Variants in DOCK2 observed in about 807,000 individuals in gnomAD.
DOCK2 encodes dedicator of cytokinesis 2.
A neutral mutation model predicts 248.9 loss-of-function variants in DOCK2; 87 were observed. That is an observed-to-expected ratio of 0.35 (90% CI 0.29 to 0.42). The LOEUF (loss-of-function observed/expected upper bound fraction) is 0.42, where lower values mean the gene tolerates loss of function less well. Ranked by LOEUF, DOCK2 falls within the 10% of genes least tolerant of loss-of-function variation. The pLI is 1.00. For missense variants in DOCK2, 1,747 were observed against 2,300.2 expected, an observed-to-expected ratio of 0.76 and a Z score of 4.92; for synonymous variants, 805 against 821.6, an observed-to-expected ratio of 0.98 and a Z score of 0.35.
chr5:169,659,860 TC>T (rs1357094306), intron 2 of DOCK2, among the ~76,000 whole-genome samples: 1 of 152,114 alleles, frequency 6.6e-6, no homozygotes, highest in East Asian at 1.9e-4. Flanking sequence ...TTATTTTATT[TC>T]CCCCCAGTCA....
At chr5:170,024,228 G>C (rs1266027528) in intron 33 of DOCK2, among the ~76,000 whole-genome samples, 2 of 152,188 alleles carry the variant, frequency 1.3e-5, no homozygotes. Context: ...ATGTGATGCA[G>C]TCATGTAGCT....
rs572640261 is a variant in DOCK2, at chr5:169,860,537, G to A, written c.2799+19685G>A. Reference sequence around the variant, plus strand: ...AAGTTTATGCAGCAAAAATAAGATAGCAGACTGCTGTCAAACCCAAGACTT... The same window carrying A: ...AAGTTTATGCAGCAAAAATAAGATAACAGACTGCTGTCAAACCCAAGACTT... On this transcript the variant is annotated intron_variant, in intron 27 of 51. Transcript: ENST00000520908. Among the ~76,000 whole-genome samples the A allele has an allele frequency of 9.9e-5, 15 of 152,270 alleles. No individual in the cohort carries two copies. In the South Asian group the frequency reaches 2.3e-3, roughly 23 times the overall value.
chr5:169,689,164 G>A, intron 8 of DOCK2, 88 bp from the exon 9 acceptor site: 1 of 1,291,224 alleles, frequency 7.7e-7, no homozygotes, highest in Non-Finnish European at 1.1e-6. Context: ...GTATGGTGTT[G>A]GGCACATAGT....
chr5:170,035,580 G>C (rs901296185), intron 35 of DOCK2, among the ~76,000 whole-genome samples: 4 of 152,170 alleles, frequency 2.6e-5, no homozygotes, highest in African/African-American at 7.2e-5. Flanking sequence ...AGACAGAGTT[G>C]GTTGAGGAAA....
chr5:169,771,756 A>C (rs1452517183), intron 25 of DOCK2, among the ~76,000 whole-genome samples: 1 of 151,884 alleles, frequency 6.6e-6, no homozygotes, highest in East Asian at 1.9e-4. Flanking sequence ...ATTTTAACAC[A>C]ATCAAATCAA....
chr5:169,845,835 G>A lies in DOCK2; in HGVS notation c.2799+4983G>A, dbSNP rs375241551. Among the ~76,000 whole-genome samples the A allele has an allele frequency of 2.0e-5, 3 of 152,212 alleles. No individual in the cohort carries two copies. In the East Asian group the frequency reaches 5.8e-4, roughly 29 times the overall value. Reference sequence around the variant, plus strand: ...CGGCAAGCATACTTCACTAGGAGCAGAAATGTACCTGAAATAGAAGGAAGC... The same window carrying A: ...CGGCAAGCATACTTCACTAGGAGCAAAAATGTACCTGAAATAGAAGGAAGC... On this transcript the variant is annotated intron_variant, in intron 27 of 51. Transcript: ENST00000520908.
intron 5 of DOCK2, among the ~76,000 whole-genome samples, chr5:169,673,601 G>A (rs1561587445): frequency 6.6e-6 from 1 of 152,154 alleles, no homozygotes; most frequent in Non-Finnish European, 1.5e-5. Context: ...GCTCACTGCA[G>A]TGCTAAACTC....
chr5:169,977,796 A>G (rs1383951694), intron 27 of DOCK2, among the ~76,000 whole-genome samples: 1 of 152,198 alleles, frequency 6.6e-6, no homozygotes, highest in Non-Finnish European at 1.5e-5. Flanking sequence ...TACAATTCTG[A>G]ACTGCCTGAT....
intron 27 of DOCK2, among the ~76,000 whole-genome samples, chr5:169,886,198 C>G (rs941357462): frequency 2.0e-5 from 3 of 152,138 alleles, no homozygotes; most frequent in East Asian, 1.9e-4. Flanking sequence ...AATGAGCCAT[C>G]CTGGGACAGA....
chr5:169,773,598 G>A (rs1247544237), intron 25 of DOCK2, among the ~76,000 whole-genome samples: 1 of 152,042 alleles, frequency 6.6e-6, no homozygotes, highest in Non-Finnish European at 1.5e-5. Context: ...CATAATGAGG[G>A]CATTTATATA....
At chr5:169,914,598 T>C (rs902739924) in intron 27 of DOCK2, among the ~76,000 whole-genome samples, 1 of 152,210 alleles carries the variant, frequency 6.6e-6, no homozygotes, top group African/African-American at 2.4e-5. Flanking sequence ...TCTTAAAAAT[T>C]GAATTCATTG....
intron 25 of DOCK2, among the ~76,000 whole-genome samples, chr5:169,792,423 C>T (rs958682338): frequency 1.4e-5 from 2 of 146,948 alleles, no homozygotes; most frequent in African/African-American, 2.6e-5. Flanking sequence ...TATATGTATA[C>T]ATGTATATGT....
At chr5:170,050,427 G>T (rs747204001) in intron 41 of DOCK2, 30 bp downstream of exon 41, 1 of 1,607,024 alleles carries the variant, frequency 6.2e-7, no homozygotes, top group Non-Finnish European at 8.5e-7. Flanking sequence ...TAGCCAAGGG[G>T]CCAGACCTGA....
In DOCK2 at chr5:169,670,587, G is replaced by A; in HGVS notation, c.214G>A (p.Glu72Lys). ...SFIHIKEVTV[E>K]KRRNTENIIP... ...TATCCACATCAAGGAAGTGACAGTT[G>A]AGAAAAGAAGGTATTTGCCATTCTT... is the stretch of plus-strand genomic sequence containing the variant. The change falls in exon 4 of 52, where the codon GAG becomes AAG. Residue 72 changes from glutamate (E) to lysine (K), a missense_variant. By Grantham distance (56) the Glu-to-Lys change is moderately conservative. Coordinates refer to ENST00000520908, the MANE Select transcript of DOCK2 (RefSeq NM_004946.3). The A allele has an allele frequency of 6.2e-7, 1 of 1,614,046 alleles. No individual in the cohort carries two copies.
At chr5:169,869,532 G>A (rs1364731642) in intron 27 of DOCK2, among the ~76,000 whole-genome samples, 1 of 152,144 alleles carries the variant, frequency 6.6e-6, no homozygotes, top group African/African-American at 2.4e-5. Context: ...GGGAGGAGAG[G>A]GAGTATATTT....
At chr5:169,662,663 A>G (rs1200393216) in intron 2 of DOCK2, among the ~76,000 whole-genome samples, 1 of 152,218 alleles carries the variant, frequency 6.6e-6, no homozygotes, top group Non-Finnish European at 1.5e-5. Context: ...GAGAGAGAGA[A>G]CAAGAAGGGA....
At chr5:169,785,590 T>C (rs1366906577) in intron 25 of DOCK2, among the ~76,000 whole-genome samples, 1 of 152,196 alleles carries the variant, frequency 6.6e-6, no homozygotes, top group African/African-American at 2.4e-5. Context: ...ATTGCAGTAT[T>C]TGAGTGTTTT....
intron 25 of DOCK2, among the ~76,000 whole-genome samples, chr5:169,762,924 G>C (rs1764571363): frequency 6.6e-6 from 1 of 152,212 alleles, no homozygotes; most frequent in South Asian, 2.1e-4. Flanking sequence ...CCACTTCACT[G>C]TAAAGATGTT....
chr5:169,746,367 T>TG (rs1305829547), intron 22 of DOCK2, among the ~76,000 whole-genome samples: 1 of 152,186 alleles, frequency 6.6e-6, no homozygotes, highest in Non-Finnish European at 1.5e-5. Flanking sequence ...GAGGGGGCTG[T>TG]GACTGGCTGG....
Sources: gnomAD v4.1 joint callset for allele counts (sites outside exome capture counted in the v4.1 genomes callset) on GRCh38, gnomAD v4.1.1 for gene constraint, MANE v1.5 for transcripts, NCBI Gene and HGNC (gene_info 2026-07-23, HGNC 2026-07-21) for gene names.